The following DOK6 variants were observed in gnomAD, a reference collection of about 807,000 sequenced individuals.
The protein encoded by DOK6 is downstream of tyrosine kinase 6.
Under a neutral mutation model 44.0 loss-of-function variants are expected in DOK6, and 22 were observed. The observed-to-expected ratio is 0.50, with a 90% CI of 0.36 to 0.71. The LOEUF (loss-of-function observed/expected upper bound fraction) is 0.71, where lower values mean the gene tolerates loss of function less well. Ranked by LOEUF, DOK6 falls within the 30% of genes least tolerant of loss-of-function variation. The pLI is 0.00. For synonymous variants in DOK6, 166 were observed against 145.5 expected, an observed-to-expected ratio of 1.14 and a Z score of -1.01; for missense variants, 340 against 416.4, an observed-to-expected ratio of 0.82 and a Z score of 1.60.
chr18:69,658,214 A>G (rs1985418782), intron 3 of DOK6, among the ~76,000 whole-genome samples: 1 of 152,102 alleles, frequency 6.6e-6, no homozygotes. Flanking sequence ...TGACTCTCAG[A>G]GAGCTGGGAA....
intron 1 of DOK6, among the ~76,000 whole-genome samples, chr18:69,537,911 A>G (rs1448335470): frequency 6.6e-6 from 1 of 152,188 alleles, no homozygotes; most frequent in Non-Finnish European, 1.5e-5. Context: ...CAGTAAAAAT[A>G]AGCTCCTTAG....
chr18:69,437,008 T>C (rs1978999578), intron 1 of DOK6, among the ~76,000 whole-genome samples: 1 of 152,148 alleles, frequency 6.6e-6, no homozygotes, highest in Non-Finnish European at 1.5e-5. Flanking sequence ...GGGTTGTATG[T>C]TTTTTTCTTG....
At position 69,600,067 on chromosome 18, in the gene DOK6, G is replaced by A. The variant is rs573373546; in HGVS notation, c.289+569G>A. ...TATTTTTCATGTTGGAATCCCTGTG[G>A]TGTGTAATATATTAGTTGGCTTGTC... On this transcript the variant is annotated intron_variant, in intron 3 of 7. Transcript: ENST00000382713. Among the ~76,000 whole-genome samples the A allele has an allele frequency of 2.0e-5, 3 of 152,256 alleles. No individual in the cohort carries two copies. In the East Asian group the frequency reaches 5.8e-4, roughly 29 times the overall value.
intron 1 of DOK6, among the ~76,000 whole-genome samples, chr18:69,482,714 T>G (rs543166503): frequency 6.6e-6 from 1 of 152,052 alleles, no homozygotes; most frequent in Non-Finnish European, 1.5e-5. Context: ...TCCTTATGTA[T>G]ATCTCTGCTA....
chr18:69,548,212 C>A (rs889555718), intron 1 of DOK6, among the ~76,000 whole-genome samples: 1 of 151,152 alleles, frequency 6.6e-6, no homozygotes, highest in African/African-American at 2.4e-5. Context: ...CTTGGCCTCC[C>A]AAAGTGCTGG....
At chr18:69,584,087 A>T (rs12960461) in intron 2 of DOK6, among the ~76,000 whole-genome samples, 3 of 132,672 alleles carry the variant, frequency 2.3e-5, no homozygotes, top group Admixed American at 1.7e-4. Flanking sequence ...CAGCCTGGGC[A>T]ACACAGTGAG....
intron 3 of DOK6, among the ~76,000 whole-genome samples, chr18:69,674,979 C>T (rs951863217): frequency 6.6e-6 from 1 of 152,152 alleles, no homozygotes; most frequent in Admixed American, 6.5e-5. Context: ...AAATAGTTTA[C>T]AGTTCAGTCT....
At chr18:69,462,311 G>A (rs1185990767) in intron 1 of DOK6, among the ~76,000 whole-genome samples, 1 of 152,038 alleles carries the variant, frequency 6.6e-6, no homozygotes, top group Non-Finnish European at 1.5e-5. Context: ...ACTAACCACT[G>A]ATTAAATGAA....
At chr18:69,562,952 A>G (rs1423001041) in intron 1 of DOK6, among the ~76,000 whole-genome samples, 1 of 152,228 alleles carries the variant, frequency 6.6e-6, no homozygotes, top group East Asian at 1.9e-4. Context: ...ACAAATTTGC[A>G]AGAAAAAAAC....
intron 1 of DOK6, among the ~76,000 whole-genome samples, chr18:69,442,527 C>G (rs991415698): frequency 6.6e-6 from 1 of 152,164 alleles, no homozygotes; most frequent in African/African-American, 2.4e-5. Context: ...CATGGGGGAA[C>G]TGCCCCCATG....
chr18:69,563,545 A>G (rs1427567590), intron 1 of DOK6, among the ~76,000 whole-genome samples: 4 of 151,606 alleles, frequency 2.6e-5, no homozygotes, highest in East Asian at 3.9e-4. Context: ...GCAAACTATC[A>G]CAAGGACAAA....
In DOK6 at chr18:69,808,044, C is replaced by A. The variant is rs990878846; in HGVS notation, c.857-33200C>A. On this transcript the variant is annotated intron_variant, in intron 7 of 7. Transcript: ENST00000382713. ...TTCCATGTTAGATCACATGTTAGGC[C>A]ACAATACAAGTCTGAACAAATTTAA... 4.0e-5 allele frequency among the ~76,000 whole-genome samples: 6 copies of A among 151,826 alleles called. No individual in the cohort carries two copies. The South Asian group carries it at 1.2e-3, about 32-fold the overall frequency.
intron 3 of DOK6, among the ~76,000 whole-genome samples, chr18:69,674,293 A>G (rs1985871171): frequency 6.6e-6 from 1 of 152,242 alleles, no homozygotes. Context: ...TGTTAGCTCC[A>G]AGTATACAGA....
intron 7 of DOK6, among the ~76,000 whole-genome samples, chr18:69,761,356 A>G (rs564277872): frequency 2.6e-5 from 4 of 152,180 alleles, no homozygotes; most frequent in Admixed American, 2.0e-4. Context: ...CTTTACCAAA[A>G]CAGTTAACAA....
At chr18:69,482,250 G>A (rs933153608) in intron 1 of DOK6, among the ~76,000 whole-genome samples, 12 of 152,044 alleles carry the variant, frequency 7.9e-5, no homozygotes, top group Non-Finnish European at 1.6e-4. Flanking sequence ...TGTCAATTTT[G>A]GCTTTTGTTG....
intron 7 of DOK6, among the ~76,000 whole-genome samples, chr18:69,759,059 A>T (rs987981900): frequency 3.3e-5 from 5 of 151,994 alleles, no homozygotes; most frequent in African/African-American, 1.2e-4. Context: ...TTGTAAAGGG[A>T]CTCTCTTATG....
At chr18:69,585,512 C>T (rs1983477868) in intron 2 of DOK6, among the ~76,000 whole-genome samples, 1 of 152,128 alleles carries the variant, frequency 6.6e-6, no homozygotes, top group Non-Finnish European at 1.5e-5. Context: ...AATAGCTTAA[C>T]CGTTTTTTAA....
chr18:69,712,523 C>T (rs1441958342), intron 5 of DOK6, among the ~76,000 whole-genome samples: 1 of 151,986 alleles, frequency 6.6e-6, no homozygotes, highest in African/African-American at 2.4e-5. Context: ...CCACCAAACT[C>T]TCTGGGCATG....
chr18:69,839,440 A>T (rs75687827), intron 7 of DOK6, among the ~76,000 whole-genome samples: 4,430 of 150,196 alleles, frequency 0.029, 94 homozygotes, highest in African/African-American at 0.053. Context: ...TTCCGCCCCT[A>T]ACTCCTCTCC....
Sources: allele counts gnomAD v4.1 joint callset (sites outside exome capture counted in the v4.1 genomes callset), GRCh38; gene constraint gnomAD v4.1.1; transcripts MANE v1.5; gene names NCBI Gene and HGNC (gene_info 2026-07-23, HGNC 2026-07-21).